Variants in HAUS3 observed in about 807,000 individuals in gnomAD.
The protein encoded by HAUS3 is HAUS augmin-like complex subunit 3.
In HAUS3, 36 loss-of-function variants were observed where a neutral mutation model predicts 55.2. The observed-to-expected ratio is 0.65, with a 90% CI of 0.50 to 0.86. The LOEUF is 0.86. Among genes scored for constraint, HAUS3 ranks in the 40% least tolerant of loss-of-function variants. The pLI, the probability that HAUS3 is intolerant of heterozygous loss-of-function variation, is 0.00. For synonymous variants in HAUS3, 234 were observed against 238.6 expected, an observed-to-expected ratio of 0.98 and a Z score of 0.18; for missense variants, 752 against 671.5, an observed-to-expected ratio of 1.12 and a Z score of -1.33.
rs1560107631 is a variant in HAUS3, at chr4:2,241,043, C to G, written c.-97G>C. 3.5e-6 allele frequency: 3 copies of G among 864,870 alleles called. No homozygotes were observed. The South Asian group carries it at 4.7e-5, about 14-fold the overall frequency. The allele number at this position is 864,870 out of a possible 1,614,324, so 53.6% of individuals were successfully genotyped here. On this transcript the variant is annotated 5_prime_UTR_variant, in exon 3 of 6. Coordinates refer to ENST00000443786, the MANE Select transcript of HAUS3 (RefSeq NM_001303143.2). ...GCAGAAAAAAAGCTACGTTTTATAC[C>G]AAGTCCACAGAGAAGGGAAAATATA...
intron 4 of HAUS3, among the ~76,000 whole-genome samples, chr4:2,237,250 T>C (rs995011146): frequency 3.3e-5 from 5 of 150,978 alleles, no homozygotes; most frequent in East Asian, 1.9e-4. Context: ...TGGCAACATA[T>C]TGAAGCCCCA....
Position 2,231,732 on chromosome 4 carries a change from C to T in HAUS3, c.*195G>A. 2.3e-6 allele frequency: 1 copy of T among 435,596 alleles called. No individual in the cohort carries two copies. Among genetic ancestry groups the T allele is most frequent in the Non-Finnish European group, 4.1e-6 (1 of 243,494 alleles). 27.0% of individuals were successfully genotyped at this position (435,596 alleles called of 1,614,324 possible). A position where few individuals can be genotyped will look rare whatever the true frequency, so the allele number is the denominator to read the frequency against. On this transcript the variant is annotated 3_prime_UTR_variant, in exon 6 of 6. Transcript: ENST00000443786. ...TACCAGGACTAAGTACCACTAAACACATGCTCAAGTCATAAAAAGCACTGG... is the reference window on the plus strand; with the variant it reads ...TACCAGGACTAAGTACCACTAAACATATGCTCAAGTCATAAAAAGCACTGG...
chr4:2,240,195 T>A lies in HAUS3; in HGVS notation c.752A>T (p.Asn251Ile). 6.2e-7 allele frequency: 1 copy of A among 1,614,088 alleles called. No individual in the cohort carries two copies. Among genetic ancestry groups the A allele is most frequent in the Non-Finnish European group, 8.5e-7 (1 of 1,179,948 alleles). Residue 251 changes from asparagine to isoleucine, a missense_variant, in exon 3 of 6, where the codon AAT (asparagine) becomes ATT (isoleucine). By Grantham distance (149) the Asn-to-Ile change is moderately radical. Transcript: ENST00000443786. The part of the protein sequence containing the change: ...LDIQTPSICD[N>I]QEILEERRLE... ...TCGTCTCTCCTCAAGGATTTCTTGATTATCACAAATAGATGGTGTCTGTAT... is the reference window on the plus strand; with the variant it reads ...TCGTCTCTCCTCAAGGATTTCTTGAATATCACAAATAGATGGTGTCTGTAT...
intron 5 of HAUS3, among the ~76,000 whole-genome samples, chr4:2,232,561 A>G (rs1734620387): frequency 6.6e-6 from 1 of 152,216 alleles, no homozygotes; most frequent in South Asian, 2.1e-4. Context: ...TTCTCTGTTT[A>G]TTCTGGACAG....
chr4:2,236,125 T>C lies in HAUS3; in HGVS notation c.1578+103A>G, dbSNP rs75270981. On this transcript the variant is annotated intron_variant, in intron 5 of 5. Transcript: ENST00000443786. The stretch of plus-strand genomic sequence containing the variant: ...AGAAATATACTTTATATTAAGGCAA[T>C]GAAATTGGGGTAATATTTTCCTCAT... 12 of 647,976 alleles carry C rather than the reference T, an allele frequency of 1.9e-5. No homozygotes were observed. In the Admixed American group the frequency reaches 2.6e-4, roughly 14 times the overall value. 40.1% of individuals were successfully genotyped at this position (647,976 alleles called of 1,614,324 possible).
chr4:2,229,171 C>A lies in HAUS3; in HGVS notation c.*2756G>T, dbSNP rs1296039956. 1.2e-6 allele frequency: 2 copies of A among 1,611,256 alleles called. No homozygotes were observed. The highest frequency in any genetic ancestry group is 1.7e-6 in the Non-Finnish European group (2 of 1,177,448). The stretch of plus-strand genomic sequence containing the variant: ...TGCATAGCAGACATAATCTTCTGAG[C>A]AACACTGGAGAGCGGTGTATTACAG... On this transcript the variant is annotated 3_prime_UTR_variant, in exon 6 of 6. Coordinates refer to ENST00000443786, the MANE Select transcript of HAUS3 (RefSeq NM_001303143.2).
chr4:2,232,314 G>T (rs763859128), intron 5 of HAUS3, among the ~76,000 whole-genome samples, 154 bp from the exon 6 acceptor site: 10 of 152,050 alleles, frequency 6.6e-5, no homozygotes, highest in Admixed American at 1.3e-4. Context: ...TCCATAACAG[G>T]TTTAATATAA....
At chr4:2,236,856 C>T (rs1022380956) in intron 4 of HAUS3, among the ~76,000 whole-genome samples, 3 of 150,488 alleles carry the variant, frequency 2.0e-5, no homozygotes, top group Non-Finnish European at 3.0e-5. Context: ...GAGTGAGACT[C>T]CGTCTCCAAA....
intron 3 of HAUS3, 27 bp downstream of exon 3, chr4:2,240,011 G>A (rs1334798287): frequency 1.3e-6 from 2 of 1,563,094 alleles, no homozygotes; most frequent in Non-Finnish European, 1.8e-6. Context: ...ATTACAATGT[G>A]AATCCAATCT....
Position 2,240,812 on chromosome 4 carries a change from C to T in HAUS3, c.135G>A (p.Gly45=), listed in dbSNP as rs1208082258. Residue 45 remains glycine (G), a synonymous_variant, in exon 3 of 6, where the codon GGG becomes GGA. Transcript: ENST00000443786. ...EDESFLKWFC[G]NVNEQNVLSE... is the part of the protein sequence containing the mutation. ...ACAACACGTTCTGTTCATTCACATT[C>T]CCACAAAACCACTTCAGAAACGATT... 2.5e-6 allele frequency: 4 copies of T among 1,613,752 alleles called. No homozygotes were observed. The highest frequency in any genetic ancestry group is 1.3e-5 in the African/African-American group (1 of 74,926).
In HAUS3 at chr4:2,241,690, G is replaced by C; in HGVS notation, c.-318C>G. ...GGCCGCGCGAACCCCAGAGGCAGCGGCAAGCCCCAGGGATCCGCGGCCCCA... is the reference window on the plus strand; with the variant it reads ...GGCCGCGCGAACCCCAGAGGCAGCGCCAAGCCCCAGGGATCCGCGGCCCCA... On this transcript the variant is annotated 5_prime_UTR_variant, in exon 2 of 6. Coordinates refer to ENST00000443786, the MANE Select transcript of HAUS3 (RefSeq NM_001303143.2). The C allele has an allele frequency of 7.1e-6, 7 of 985,508 alleles. No homozygotes were observed. The highest frequency in any genetic ancestry group is 8.4e-6 in the Non-Finnish European group (7 of 829,976). 61.0% of individuals were successfully genotyped at this position (985,508 alleles called of 1,614,324 possible).
Position 2,231,913 on chromosome 4 carries a change from G to A in HAUS3, c.*14C>T, listed in dbSNP as rs149512553. The stretch of plus-strand genomic sequence containing the variant: ...AAAGAGGACACGTAATAAAGATTCA[G>A]TTTTCAGTAATTTTCAATCTTCAAG... On this transcript the variant is annotated 3_prime_UTR_variant, in exon 6 of 6. Coordinates refer to ENST00000443786, the MANE Select transcript of HAUS3 (RefSeq NM_001303143.2). 2.0e-3 allele frequency: 2,072 copies of A among 1,061,244 alleles called. 31 individuals carry two copies. The African/African-American group carries it at 0.03, about 15-fold the overall frequency. The allele number at this position is 1,061,244 out of a possible 1,614,324, so 65.7% of individuals were successfully genotyped here.
At position 2,229,925 on chromosome 4, in the gene HAUS3, C is replaced by T. The variant is rs1361156287; in HGVS notation, c.*2002G>A. ...TTGGGTAATTACGGCAGACACACAA[C>T]TACCATCCGTGCCTTGATCTGCCCT... On this transcript the variant is annotated 3_prime_UTR_variant, in exon 6 of 6. Transcript: ENST00000443786. 1 of 152,284 alleles carries T rather than the reference C, an allele frequency of 6.6e-6. No individual in the cohort carries two copies. The highest frequency in any genetic ancestry group is 1.5e-5 in the Non-Finnish European group (1 of 68,100). 9.4% of individuals were successfully genotyped at this position (152,284 alleles called of 1,614,324 possible).
At chr4:2,238,501 C>A in intron 4 of HAUS3, 103 bp downstream of exon 4, 3 of 647,012 alleles carry the variant, frequency 4.6e-6, no homozygotes, top group South Asian at 4.0e-5. Flanking sequence ...AAGTGAAATG[C>A]AAAGAATTGT....
At position 2,236,351 on chromosome 4, in the gene HAUS3, T is replaced by A; in HGVS notation, c.1455A>T (p.Val485=). ...GAGCAGATACTGCCAACTGATCTTG[T>A]ACTAAAGAAATATTCTGTTTCAATT... ...AEKLKQNISL[V]QDQLAVSAQE... is the part of the protein sequence containing the mutation. Residue 485 remains valine (V), a synonymous_variant, in exon 5 of 6, where the codon GTA becomes GTT. Transcript: ENST00000443786. 6.2e-7 allele frequency: 1 copy of A among 1,613,032 alleles called. No individual in the cohort carries two copies. The highest frequency in any genetic ancestry group is 8.5e-7 in the Non-Finnish European group (1 of 1,179,052).
intron 5 of HAUS3, among the ~76,000 whole-genome samples, chr4:2,235,825 G>A (rs1176042312): frequency 6.6e-6 from 1 of 151,998 alleles, no homozygotes; most frequent in Non-Finnish European, 1.5e-5. Flanking sequence ...ATTAAGCATG[G>A]TAGTCACTCT....
In HAUS3 at chr4:2,240,159, G is replaced by C. The variant is rs1449589121; in HGVS notation, c.788C>G (p.Ala263Gly). The C allele has an allele frequency of 6.2e-7, 1 of 1,613,834 alleles. No homozygotes were observed. The highest frequency in any genetic ancestry group is 8.5e-7 in the Non-Finnish European group (1 of 1,179,708). The change falls in exon 3 of 6, where the codon GCT becomes GGT. Residue 263 changes from alanine (A) to glycine (G), a missense_variant. By Grantham distance (60) the Ala-to-Gly change is moderately conservative. Coordinates refer to ENST00000443786, the MANE Select transcript of HAUS3 (RefSeq NM_001303143.2). The part of the protein sequence containing the change: ...EILEERRLEM[A>G]RLQLAYICAQ... The stretch of plus-strand genomic sequence containing the variant: ...ACAAATGTATGCGAGCTGCAGTCTA[G>C]CCATCTCTAGTCGTCTCTCCTCAAG...
In HAUS3 at chr4:2,240,632, C is replaced by A; in HGVS notation, c.315G>T (p.Glu105Asp). ...DDKELEKLED[E>D]VQTLLKLKNL... The stretch of plus-strand genomic sequence containing the variant: ...TCTTTAATTTCAGTAGAGTTTGAAC[C>A]TCATCCTCTAATTTCTCCAGCTCTT... The change falls in exon 3 of 6, where the codon GAG becomes GAT. Residue 105 changes from glutamate (E) to aspartate (D), a missense_variant. Coordinates refer to ENST00000443786, the MANE Select transcript of HAUS3 (RefSeq NM_001303143.2). 6.2e-7 allele frequency: 1 copy of A among 1,613,658 alleles called. No homozygotes were observed. The highest frequency in any genetic ancestry group is 8.5e-7 in the Non-Finnish European group (1 of 1,179,924).
chr4:2,239,221 G>A (rs1316562991), intron 3 of HAUS3, among the ~76,000 whole-genome samples, 178 bp from the exon 4 acceptor site: 1 of 152,128 alleles, frequency 6.6e-6, no homozygotes, highest in Non-Finnish European at 1.5e-5. Flanking sequence ...ACTAAGTCAA[G>A]GGTATGAATT....
Sources: allele counts gnomAD v4.1 joint callset (sites outside exome capture counted in the v4.1 genomes callset), GRCh38; gene constraint gnomAD v4.1.1; transcripts MANE v1.5; gene names NCBI Gene and HGNC (gene_info 2026-07-23, HGNC 2026-07-21).